Variants in CASK observed in about 807,000 individuals in gnomAD.
The protein encoded by CASK is peripheral plasma membrane protein CASK.
Under a neutral mutation model 82.9 loss-of-function variants are expected in CASK, and 4 were observed. That is an observed-to-expected ratio of 0.05 (90% CI 0.02 to 0.11). The LOEUF (loss-of-function observed/expected upper bound fraction) is 0.11, where lower values mean the gene tolerates loss of function less well. Among genes scored for constraint, CASK ranks in the 10% least tolerant of loss-of-function variants. The pLI, the probability that CASK is intolerant of heterozygous loss-of-function variation, is 1.00. For synonymous variants in CASK, 259 were observed against 253.5 expected (o/e 1.02, Z -0.20); for missense variants, 358 against 720.9 (o/e 0.50, Z 5.76).
intron 14 of CASK, among the ~76,000 whole-genome samples, chrX:41,579,422 G>T (rs906071881): frequency 9.0e-5 from 10 of 111,660 alleles, no homozygotes; most frequent in Non-Finnish European, 1.9e-5. Flanking sequence ...AAGAGAAAGT[G>T]ATTTCTTTGA....
intron 3 of CASK, among the ~76,000 whole-genome samples, chrX:41,752,062 A>C (rs755937781): frequency 9.3e-6 from 1 of 107,141 alleles, no homozygotes; most frequent in East Asian, 2.9e-4. Context: ...CCAAAAAAAA[A>C]AACACAAAAA....
At chrX:41,575,500 A>T (rs2065472428) in intron 15 of CASK, among the ~76,000 whole-genome samples, 1 of 109,409 alleles carries the variant, frequency 9.1e-6, no homozygotes, top group African/African-American at 3.3e-5. Context: ...TTCAAGCTTG[A>T]TTTTTGTCAC....
At chrX:41,755,361 A>G (rs1317196655) in intron 3 of CASK, among the ~76,000 whole-genome samples, 2 of 112,239 alleles carry the variant, frequency 1.8e-5, no homozygotes, top group Non-Finnish European at 3.8e-5. Flanking sequence ...ACAAAAGTTT[A>G]ACAACCCCAA....
intron 5 of CASK, among the ~76,000 whole-genome samples, chrX:41,691,317 C>T (rs911534446): frequency 8.9e-6 from 1 of 111,910 alleles, no homozygotes; most frequent in African/African-American, 3.3e-5. Flanking sequence ...TCTGGATTTA[C>T]TTCCTTATAA....
intron 3 of CASK, among the ~76,000 whole-genome samples, chrX:41,768,403 T>C (rs904234564): frequency 3.6e-5 from 4 of 111,606 alleles, no homozygotes; most frequent in African/African-American, 9.8e-5. Flanking sequence ...TATGCACATA[T>C]AATTTATGAT....
At chrX:41,888,668 T>C (rs1477599274) in intron 1 of CASK, among the ~76,000 whole-genome samples, 1 of 100,464 alleles carries the variant, frequency 1.0e-5, no homozygotes, top group Non-Finnish European at 2.0e-5. Flanking sequence ...TGTGTGTATA[T>C]ATGTATATGT....
At chrX:41,642,196 T>C (rs1364280065) in intron 8 of CASK, among the ~76,000 whole-genome samples, 13 of 111,497 alleles carry the variant, frequency 1.2e-4, no homozygotes, top group East Asian at 5.6e-4. Flanking sequence ...AATAGTGCTG[T>C]AATAAACAGA....
intron 8 of CASK, among the ~76,000 whole-genome samples, chrX:41,655,178 T>C (rs956278219): frequency 2.7e-5 from 3 of 111,052 alleles, no homozygotes; most frequent in African/African-American, 9.8e-5. Context: ...GAAATGTAAA[T>C]CTGCACTTCG....
chrX:41,821,044 C>G (rs769207109), intron 2 of CASK, among the ~76,000 whole-genome samples: 1 of 110,615 alleles, frequency 9.0e-6, no homozygotes, highest in South Asian at 3.8e-4. Context: ...TCTTAGGTCA[C>G]AAAAATCAGG....
chrX:41,918,045 T>C (rs1316625162), intron 1 of CASK, among the ~76,000 whole-genome samples: 1 of 112,373 alleles, frequency 8.9e-6, no homozygotes, highest in East Asian at 2.8e-4. Flanking sequence ...TCACGATCAC[T>C]GGTATTTCTG....
intron 1 of CASK, among the ~76,000 whole-genome samples, chrX:41,890,422 A>G (rs1019234424): frequency 1.8e-5 from 2 of 111,317 alleles, no homozygotes; most frequent in Admixed American, 1.9e-4. Flanking sequence ...CTGGGGAAAA[A>G]AAAAACAGCA....
At chrX:41,563,127 G>A (rs1248788722) in intron 16 of CASK, among the ~76,000 whole-genome samples, 5 of 104,576 alleles carry the variant, frequency 4.8e-5, no homozygotes, top group African/African-American at 1.7e-4. Context: ...TTCGGAGGCT[G>A]AGTGAGGCGA....
In CASK at chrX:41,671,537, A is replaced by G. The variant is rs1347445373; in HGVS notation, c.430-7T>C. 4 of 1,120,376 alleles carry G rather than the reference A, an allele frequency of 3.6e-6. No homozygotes were observed. In the African/African-American group the frequency reaches 5.4e-5, roughly 15 times the overall value. 92.3% of individuals were successfully genotyped at this position (1,120,376 alleles called of 1,213,427 possible). ...CAAGGAGAACACAGTGGGGCTGAAA[A>G]GAAAAACAGACGAACAAACAAACAA... On this transcript the variant is annotated splice_polypyrimidine_tract_variant and splice_region_variant and intron_variant, in intron 5 of 26. Transcript: ENST00000378163.
chrX:41,546,662 G>C (rs1380321256), intron 21 of CASK, among the ~76,000 whole-genome samples: 1 of 109,725 alleles, frequency 9.1e-6, no homozygotes, highest in Non-Finnish European at 1.9e-5. Context: ...CCTTTTAGTA[G>C]AGACGGGGTT....
At chrX:41,833,332 T>C (rs890927188) in intron 2 of CASK, among the ~76,000 whole-genome samples, 1 of 112,188 alleles carries the variant, frequency 8.9e-6, no homozygotes, top group Non-Finnish European at 1.9e-5. Context: ...AAAGTACTGA[T>C]ACCTGCTACT....
intron 24 of CASK, among the ~76,000 whole-genome samples, chrX:41,531,423 T>C (rs2064802255): frequency 1.8e-5 from 2 of 111,947 alleles, no homozygotes; most frequent in Admixed American, 1.9e-4. Context: ...GCCAGTGAAT[T>C]GTCTGGTTTG....
intron 5 of CASK, among the ~76,000 whole-genome samples, chrX:41,684,171 T>A: frequency 8.9e-6 from 1 of 112,245 alleles, no homozygotes; most frequent in Non-Finnish European, 1.9e-5. Flanking sequence ...GATATTTATG[T>A]GATCTCTAAA....
chrX:41,883,760 C>G (rs1601938545), intron 1 of CASK, among the ~76,000 whole-genome samples: 1 of 111,255 alleles, frequency 9.0e-6, no homozygotes, highest in African/African-American at 3.3e-5. Context: ...CTGTGTAGTC[C>G]CCAAGAAAAA....
intron 5 of CASK, among the ~76,000 whole-genome samples, chrX:41,692,900 TC>T (rs1381320205): frequency 8.9e-6 from 1 of 112,572 alleles, no homozygotes; most frequent in Non-Finnish European, 1.9e-5. Context: ...CTAAAGCTCT[TC>T]CTGTACTTGT....
Sources: gnomAD v4.1 joint callset for allele counts (sites outside exome capture counted in the v4.1 genomes callset) on GRCh38, gnomAD v4.1.1 for gene constraint, MANE v1.5 for transcripts, NCBI Gene and HGNC (gene_info 2026-07-23, HGNC 2026-07-21) for gene names.